Variants in KCNT2 observed in about 807,000 individuals in gnomAD.
KCNT2 encodes potassium channel subfamily T member 2.
In KCNT2, 67 loss-of-function variants were observed where a neutral mutation model predicts 153.8. The ratio of observed to expected loss-of-function variants is 0.44; its 90% CI spans 0.36 to 0.53. The LOEUF (loss-of-function observed/expected upper bound fraction) is 0.53, where lower values mean the gene tolerates loss of function less well. Among genes scored for constraint, KCNT2 ranks in the 20% least tolerant of loss-of-function variants. The pLI is 0.00. For missense variants in KCNT2, 975 were observed against 1,354.8 expected (o/e 0.72, Z 4.40); for synonymous variants, 500 against 458.8 (o/e 1.09, Z -1.15).
chr1:196,351,067 C>T (rs1022607169), intron 14 of KCNT2, among the ~76,000 whole-genome samples: 34 of 152,138 alleles, frequency 2.2e-4, no homozygotes, highest in African/African-American at 7.7e-4. Flanking sequence ...ATCTATATCT[C>T]TGTTTTGGTA....
intron 1 of KCNT2, among the ~76,000 whole-genome samples, chr1:196,595,007 A>C (rs1186333420): frequency 6.6e-6 from 1 of 152,146 alleles, no homozygotes; most frequent in Non-Finnish European, 1.5e-5. Context: ...GACTATGATG[A>C]AAATGCATAG....
At chr1:196,556,070 A>G (rs1658614873) in intron 1 of KCNT2, among the ~76,000 whole-genome samples, 1 of 151,430 alleles carries the variant, frequency 6.6e-6, no homozygotes, top group South Asian at 2.1e-4. Flanking sequence ...CACTGGGGAA[A>G]CTCTCCAGAA....
At chr1:196,302,336 T>A (rs899220997) in intron 22 of KCNT2, among the ~76,000 whole-genome samples, 1 of 152,098 alleles carries the variant, frequency 6.6e-6, no homozygotes, top group East Asian at 1.9e-4. Context: ...AAAAAAAACC[T>A]TGATTGGAAG....
At chr1:196,270,628 C>T (rs1043325323) in intron 25 of KCNT2, among the ~76,000 whole-genome samples, 4 of 151,966 alleles carry the variant, frequency 2.6e-5, no homozygotes, top group African/African-American at 7.2e-5. Context: ...GGTTTCATTG[C>T]CAGCTCTGTT....
intron 1 of KCNT2, among the ~76,000 whole-genome samples, chr1:196,571,938 G>T (rs1660826404): frequency 6.6e-6 from 1 of 152,098 alleles, no homozygotes; most frequent in African/African-American, 2.4e-5. Flanking sequence ...TTGTGCAGGT[G>T]TTAAAATCTG....
chr1:196,531,042 A>C (rs887655366), intron 1 of KCNT2, among the ~76,000 whole-genome samples: 1 of 152,150 alleles, frequency 6.6e-6, no homozygotes. Context: ...TTTACACAAC[A>C]TAAGTTCTTG....
chr1:196,454,318 C>T (rs182898543), intron 8 of KCNT2, among the ~76,000 whole-genome samples: 1 of 152,026 alleles, frequency 6.6e-6, no homozygotes, highest in East Asian at 1.9e-4. Context: ...ATGATCCCAT[C>T]ATCCAGATAG....
At chr1:196,555,186 A>ATC (rs1658477887) in intron 1 of KCNT2, among the ~76,000 whole-genome samples, 2 of 151,376 alleles carry the variant, frequency 1.3e-5, no homozygotes, top group East Asian at 1.9e-4. Flanking sequence ...ATTGGAAAGG[A>ATC]AGAAATCACA....
intron 8 of KCNT2, among the ~76,000 whole-genome samples, chr1:196,455,983 C>T (rs967732609): frequency 6.6e-6 from 1 of 152,052 alleles, no homozygotes; most frequent in African/African-American, 2.4e-5. Flanking sequence ...TCCACCTACA[C>T]TGGATCTCCA....
chr1:196,320,556 A>G (rs1663195956), intron 19 of KCNT2, among the ~76,000 whole-genome samples: 1 of 151,782 alleles, frequency 6.6e-6, no homozygotes, highest in African/African-American at 2.4e-5. Flanking sequence ...TATGAGGAGG[A>G]GAAGAAAATT....
chr1:196,290,723 C>T (rs763407982), intron 22 of KCNT2, among the ~76,000 whole-genome samples: 1 of 151,884 alleles, frequency 6.6e-6, no homozygotes, highest in South Asian at 2.1e-4. Context: ...TCCCAGAATT[C>T]TCTCTTTGTT....
At chr1:196,472,092 C>T (rs1343998881) in intron 5 of KCNT2, among the ~76,000 whole-genome samples, 1 of 152,154 alleles carries the variant, frequency 6.6e-6, no homozygotes, top group East Asian at 1.9e-4. Context: ...ATTACACCTC[C>T]ACACCTTCAA....
chr1:196,387,604 G>A (rs934812043), intron 13 of KCNT2, among the ~76,000 whole-genome samples: 2 of 151,804 alleles, frequency 1.3e-5, no homozygotes, highest in African/African-American at 4.8e-5. Context: ...TCCTTTTAAT[G>A]TTTGGCATTC....
At chr1:196,374,451 T>C (rs772802421) in intron 13 of KCNT2, among the ~76,000 whole-genome samples, 3 of 151,828 alleles carry the variant, frequency 2.0e-5, no homozygotes, top group Non-Finnish European at 2.9e-5. Context: ...TCACATTTTA[T>C]GGAAGAAAAT....
At chr1:196,606,930 A>C (rs1446384848) in intron 1 of KCNT2, among the ~76,000 whole-genome samples, 1 of 152,224 alleles carries the variant, frequency 6.6e-6, no homozygotes, top group Non-Finnish European at 1.5e-5. Flanking sequence ...CTTTACAAGA[A>C]TACTGAGAAA....
At chr1:196,306,365 G>A (rs538513694) in intron 21 of KCNT2, among the ~76,000 whole-genome samples, 12 of 152,158 alleles carry the variant, frequency 7.9e-5, no homozygotes, top group Admixed American at 5.9e-4. Flanking sequence ...CTCAATTTAT[G>A]AATTTATGAA....
intron 25 of KCNT2, among the ~76,000 whole-genome samples, chr1:196,279,597 A>ATT (rs528425905): frequency 7.1e-6 from 1 of 141,796 alleles, no homozygotes; most frequent in Non-Finnish European, 1.6e-5. Context: ...TAATTTTTGT[A>ATT]TTTTTTTTTT....
intron 3 of KCNT2, among the ~76,000 whole-genome samples, chr1:196,488,358 A>G (rs978612051): frequency 2.0e-5 from 3 of 152,028 alleles, no homozygotes; most frequent in African/African-American, 7.2e-5. Flanking sequence ...TGTATTCAAA[A>G]TGGAACCATA....
intron 8 of KCNT2, among the ~76,000 whole-genome samples, chr1:196,443,976 T>C (rs1182726664): frequency 6.6e-6 from 1 of 151,382 alleles, no homozygotes; most frequent in African/African-American, 2.4e-5. Context: ...ATGTAAGATA[T>C]ATTCCCAAAA....
Sources: gnomAD v4.1 joint callset for allele counts (sites outside exome capture counted in the v4.1 genomes callset) on GRCh38, gnomAD v4.1.1 for gene constraint, MANE v1.5 for transcripts, NCBI Gene and HGNC (gene_info 2026-07-23, HGNC 2026-07-21) for gene names.